Variants in PCDHA4 observed in about 807,000 individuals in gnomAD.
PCDHA4 encodes protocadherin alpha-4.
In PCDHA4, 49 loss-of-function variants were observed where a neutral mutation model predicts 61.4. That is an observed-to-expected ratio of 0.80 (90% CI 0.63 to 1.01). The LOEUF is 1.01. Ranked by LOEUF, PCDHA4 falls within the 50% of genes least tolerant of loss-of-function variation. The pLI, the probability that PCDHA4 is intolerant of heterozygous loss-of-function variation, is 0.00. For missense variants in PCDHA4, 1,254 were observed against 1,235.8 expected (o/e 1.01, Z -0.22); for synonymous variants, 590 against 550.3 (o/e 1.07, Z -1.01).
rs1554149682 is a variant in PCDHA4, at chr5:140,857,224, T to C, written c.2385+47652T>C. ...TCACCTGCTCTCTGACGCCTCACGT[T>C]CCGTTCAAGCTGGTGTCCACCTACA... On this transcript the variant is annotated intron_variant, in intron 1 of 3. Transcript: ENST00000530339. 4 of 1,598,426 alleles carry C rather than the reference T, an allele frequency of 2.5e-6. 1 individual carries two copies. Among genetic ancestry groups the C allele is most frequent in the Non-Finnish European group, 3.4e-6 (4 of 1,167,908 alleles).
At chr5:140,876,483 G>T (rs373900620) in intron 1 of PCDHA4, 1 of 1,614,004 alleles carries the variant, frequency 6.2e-7, no homozygotes, top group Non-Finnish European at 8.5e-7. Flanking sequence ...GCATGGTCCT[G>T]GTGGAAGTTC....
rs199785183 is a variant in PCDHA4 at position 140,850,432 on chromosome 5, G to T, written c.2385+40860G>T. On this transcript the variant is annotated intron_variant, in intron 1 of 3. Transcript: ENST00000530339. ...GACGAAACGGACGCACCGCGCCAGC[G>T]CCTACTGGTGCTGGTGAAAGACCAC... 1.6e-4 allele frequency: 251 copies of T among 1,597,712 alleles called. 21 individuals carry two copies. The highest frequency in any genetic ancestry group is 3.2e-4 in the Admixed American group (19 of 59,266).
At chr5:140,852,855 T>C in intron 1 of PCDHA4, 1 of 964,490 alleles carries the variant, frequency 1.0e-6, no homozygotes, top group Non-Finnish European at 1.3e-6. Flanking sequence ...TTACTAAGCA[T>C]TTACTATGTC....
chr5:140,836,831 A>G lies in PCDHA4; in HGVS notation c.2385+27259A>G, dbSNP rs927373808. 3.2e-6 allele frequency: 3 copies of G among 927,304 alleles called. No individual in the cohort carries two copies. In the African/African-American group the frequency reaches 5.0e-5, roughly 16 times the overall value. The allele number at this position is 927,304 out of a possible 1,614,324, so 57.4% of individuals were successfully genotyped here. ...TCTTTCATAATTTCTTTTTTAGTTG[A>G]TAGCTTTATGTATAATTATTATTTT... On this transcript the variant is annotated intron_variant, in intron 1 of 3. Coordinates refer to ENST00000530339, the MANE Select transcript of PCDHA4 (RefSeq NM_018907.4).
intron 3 of PCDHA4, among the ~76,000 whole-genome samples, chr5:140,995,267 C>A (rs552857413): frequency 6.6e-6 from 1 of 152,074 alleles, no homozygotes; most frequent in Admixed American, 6.5e-5. Context: ...GAATACAAGC[C>A]CTTTGATACC....
chr5:140,842,836 G>A (rs2150345985), intron 1 of PCDHA4: 2 of 1,593,818 alleles, frequency 1.3e-6, no homozygotes, highest in East Asian at 2.2e-5. Context: ...GCTCGCTGTC[G>A]AGCTACATTT....
intron 1 of PCDHA4, among the ~76,000 whole-genome samples, chr5:140,955,355 G>A (rs1406631698): frequency 1.3e-5 from 2 of 152,086 alleles, no homozygotes; most frequent in African/African-American, 4.8e-5. Flanking sequence ...GTTGTGAGAG[G>A]GACCCAGTGG....
chr5:140,884,048 G>A (rs2059957630), intron 1 of PCDHA4: 1 of 1,613,500 alleles, frequency 6.2e-7, no homozygotes, highest in African/African-American at 1.3e-5. Flanking sequence ...GGTGGCGAAG[G>A]TGCGCGCGGT....
intron 1 of PCDHA4, chr5:140,968,755 A>G: frequency 6.2e-7 from 1 of 1,614,200 alleles, no homozygotes. Flanking sequence ...TGGTGGTCCG[A>G]GATAATGGAG....
intron 1 of PCDHA4, chr5:140,815,731 A>G (rs1403515863): frequency 6.6e-6 from 1 of 152,166 alleles, no homozygotes; most frequent in African/African-American, 2.4e-5. Flanking sequence ...ATTTTAACTC[A>G]AAAGGCCCCC....
chr5:140,901,268 T>C (rs185427298), intron 1 of PCDHA4, among the ~76,000 whole-genome samples: 57 of 152,328 alleles, frequency 3.7e-4, no homozygotes, highest in African/African-American at 1.3e-3. Context: ...TGTGGGGTAT[T>C]ACTCAAGAAA....
chr5:140,983,801 T>G (rs1386165689), intron 3 of PCDHA4, among the ~76,000 whole-genome samples: 1 of 152,214 alleles, frequency 6.6e-6, no homozygotes, highest in Non-Finnish European at 1.5e-5. Context: ...AATGTGTGTG[T>G]AAAAGGTTTT....
At chr5:140,985,729 T>C (rs1314785007) in intron 3 of PCDHA4, among the ~76,000 whole-genome samples, 2 of 149,858 alleles carry the variant, frequency 1.3e-5, no homozygotes, top group Non-Finnish European at 3.0e-5. Flanking sequence ...TTTCCTTCAC[T>C]GATGAATTCC....
chr5:140,981,185 T>C (rs2096921770), intron 2 of PCDHA4, among the ~76,000 whole-genome samples: 1 of 152,224 alleles, frequency 6.6e-6, no homozygotes. Flanking sequence ...TAGTTCAAGT[T>C]TGCCTGCTCT....
intron 1 of PCDHA4, chr5:140,848,358 G>A: frequency 9.5e-7 from 1 of 1,051,266 alleles, no homozygotes; most frequent in East Asian, 2.4e-5. Flanking sequence ...CTTTTCCCAT[G>A]GGAAAGAGGC....
chr5:140,825,862 G>C (rs2150141609), intron 1 of PCDHA4: 43 of 152,470 alleles, frequency 2.8e-4, no homozygotes, highest in African/African-American at 8.4e-4. Context: ...CTCCCCTCTT[G>C]AGTTGTTTAC....
intron 1 of PCDHA4, chr5:140,828,530 C>T: frequency 3.1e-6 from 5 of 1,614,226 alleles, no homozygotes; most frequent in Non-Finnish European, 4.2e-6. Flanking sequence ...CGAATCTAGG[C>T]TGCCAGATTC....
At chr5:140,902,504 C>G (rs2069506794) in intron 1 of PCDHA4, among the ~76,000 whole-genome samples, 1 of 151,984 alleles carries the variant, frequency 6.6e-6, no homozygotes, top group African/African-American at 2.4e-5. Context: ...AGCTGTGAGT[C>G]TGTCATATAT....
At chr5:140,877,259 C>G in intron 1 of PCDHA4, 1 of 1,613,752 alleles carries the variant, frequency 6.2e-7, no homozygotes, top group Non-Finnish European at 8.5e-7. Flanking sequence ...AAAGTGCGCG[C>G]GGTGGACGCT....
Sources: gnomAD v4.1 joint callset for allele counts (sites outside exome capture counted in the v4.1 genomes callset) on GRCh38, gnomAD v4.1.1 for gene constraint, MANE v1.5 for transcripts, NCBI Gene and HGNC (gene_info 2026-07-23, HGNC 2026-07-21) for gene names.